The following PSG3 variants were observed in gnomAD, a reference collection of about 807,000 sequenced individuals.
The protein encoded by PSG3 is pregnancy-specific beta-1-glycoprotein 3.
Under a neutral mutation model 47.5 loss-of-function variants are expected in PSG3, and 61 were observed. The observed-to-expected ratio is 1.28, with a 90% CI of 1.05 to 1.59. PSG3 has a LOEUF of 1.59. PSG3 is among the 40% of genes most tolerant of loss of function. The pLI is 0.00. For synonymous variants in PSG3, 263 were observed against 198.4 expected, an observed-to-expected ratio of 1.33 and a Z score of -2.74; for missense variants, 756 against 524.0, an observed-to-expected ratio of 1.44 and a Z score of -4.32.
Position 42,721,871 on chromosome 19 carries a change from C to T in PSG3, c.*260G>A, listed in dbSNP as rs12268. On this transcript the variant is annotated 3_prime_UTR_variant, in exon 7 of 7. Coordinates refer to ENST00000327495, the MANE Select transcript of PSG3 (RefSeq NM_021016.4). ...GAAAACATTGTTTTGACTATTTAGT[C>T]CAATAAAATTGGGTTTTTTTCTTTG... The T allele has an allele frequency of 9.6e-6, 4 of 414,600 alleles. No individual in the cohort carries two copies. The highest frequency in any genetic ancestry group is 8.2e-5 in the African/African-American group (4 of 48,660). The allele number at this position is 414,600 out of a possible 1,614,324, so 25.7% of individuals were successfully genotyped here.
chr19:42,723,124 C>T (rs1482612704), intron 6 of PSG3, among the ~76,000 whole-genome samples: 1 of 152,222 alleles, frequency 6.6e-6, no homozygotes, highest in African/African-American at 2.4e-5. Context: ...TTGCCTTCAT[C>T]ATTTCTGTAT....
chr19:42,730,107 C>G, intron 3 of PSG3, 51 bp from the exon 4 acceptor site: 2 of 1,600,348 alleles, frequency 1.2e-6, no homozygotes, highest in Non-Finnish European at 1.7e-6. Context: ...TTTGATTCCT[C>G]CACTGGCATC....
intron 3 of PSG3, among the ~76,000 whole-genome samples, chr19:42,731,434 C>A (rs1298604711): frequency 6.6e-6 from 1 of 152,102 alleles, no homozygotes; most frequent in Non-Finnish European, 1.5e-5. Context: ...TCTCTCACCA[C>A]TTTTCTAGCT....
chr19:42,736,426 A>G (rs748128639), intron 2 of PSG3, among the ~76,000 whole-genome samples: 13 of 152,106 alleles, frequency 8.5e-5, no homozygotes, highest in East Asian at 1.9e-4. Context: ...CTCCGCCCGC[A>G]TGATTCCATC....
At chr19:42,738,648 C>T (rs1318438262) in intron 2 of PSG3, 76 bp downstream of exon 2, 2 of 1,611,108 alleles carry the variant, frequency 1.2e-6, no homozygotes, top group East Asian at 4.5e-5. Flanking sequence ...CAGGCACAAT[C>T]CAGGCCTGAC....
chr19:42,723,722 C>A (rs1455909310), intron 6 of PSG3, among the ~76,000 whole-genome samples: 4 of 152,046 alleles, frequency 2.6e-5, no homozygotes. Context: ...AACAAATGAG[C>A]AGAGAGAGAG....
intron 2 of PSG3, among the ~76,000 whole-genome samples, chr19:42,734,534 T>A (rs551694451): frequency 1.3e-5 from 2 of 152,330 alleles, no homozygotes; most frequent in Non-Finnish European, 2.9e-5. Flanking sequence ...GGAGGAAACA[T>A]TGAAATGTTT....
intron 5 of PSG3, among the ~76,000 whole-genome samples, chr19:42,724,321 C>T (rs890176780): frequency 6.6e-6 from 1 of 152,128 alleles, no homozygotes; most frequent in African/African-American, 2.4e-5. Flanking sequence ...GAACTTGCCA[C>T]CTTTGCACCT....
At position 42,728,274 on chromosome 19, in the gene PSG3, C is replaced by T. The variant is rs547244219; in HGVS notation, c.1243+849G>A. On this transcript the variant is annotated intron_variant, in intron 5 of 6. Transcript: ENST00000327495. ...CTTATATTAGATATATATAAAGTGT[C>T]CAGTAGTCTTACCCTCTCTATAATT... 5.3e-4 allele frequency among the ~76,000 whole-genome samples: 80 copies of T among 152,264 alleles called. 1 individual carries two copies. The South Asian group carries it at 0.01, about 20-fold the overall frequency.
intron 2 of PSG3, among the ~76,000 whole-genome samples, chr19:42,737,938 A>G (rs981555563): frequency 3.9e-5 from 6 of 152,224 alleles, no homozygotes; most frequent in South Asian, 2.1e-4. Context: ...TTTCACACAA[A>G]CAGCATTTAT....
intron 5 of PSG3, among the ~76,000 whole-genome samples, chr19:42,724,377 T>G (rs1441023802): frequency 6.6e-6 from 1 of 152,194 alleles, no homozygotes; most frequent in Non-Finnish European, 1.5e-5. Flanking sequence ...GTGGCAGTCA[T>G]GAATGAGACC....
At chr19:42,737,534 C>T (rs1353880258) in intron 2 of PSG3, among the ~76,000 whole-genome samples, 2 of 152,094 alleles carry the variant, frequency 1.3e-5, no homozygotes, top group African/African-American at 4.8e-5. Flanking sequence ...GAGGCCTGGA[C>T]ATGTTTTTTC....
chr19:42,725,878 A>C (rs888158579), intron 5 of PSG3, among the ~76,000 whole-genome samples: 1 of 144,446 alleles, frequency 6.9e-6, no homozygotes, highest in Non-Finnish European at 1.5e-5. Context: ...CTCTCTCTTC[A>C]ACAACAACAA....
In PSG3 at chr19:42,740,243, C is replaced by T. The variant is rs1969648222; in HGVS notation, c.64+78G>A. 7 of 1,612,248 alleles carry T rather than the reference C, an allele frequency of 4.3e-6. No individual in the cohort carries two copies. In the Admixed American group the frequency reaches 6.7e-5, roughly 15 times the overall value. ...CTGGCTTCTTTTATTTTTTAGAACC[C>T]CAGGAGTCTCTCCAGGAGACCCCAT... On this transcript the variant is annotated intron_variant, in intron 1 of 6. Coordinates refer to ENST00000327495, the MANE Select transcript of PSG3 (RefSeq NM_021016.4).
intron 2 of PSG3, chr19:42,733,641 C>G: frequency 6.4e-6 from 1 of 156,634 alleles, no homozygotes; most frequent in Non-Finnish European, 1.4e-5. Flanking sequence ...AGTGGAGCCA[C>G]AAGGTGGGGC....
intron 2 of PSG3, among the ~76,000 whole-genome samples, 157 bp from the exon 3 acceptor site, chr19:42,733,219 C>A (rs1029571041): frequency 6.6e-6 from 1 of 152,160 alleles, no homozygotes; most frequent in Non-Finnish European, 1.5e-5. Flanking sequence ...GCATGGCAAT[C>A]TGAGGGCTCA....
intron 2 of PSG3, 69 bp from the exon 3 acceptor site, chr19:42,733,131 C>A: frequency 6.4e-7 from 1 of 1,560,654 alleles, no homozygotes; most frequent in Non-Finnish European, 8.7e-7. Flanking sequence ...ATTTTTCAAT[C>A]AGAGTTGGCA....
In PSG3 at chr19:42,740,319, A is replaced by C. The variant is rs781422204; in HGVS notation, c.64+2T>G. ...TCCTCTCCCAGGAAGTTCTCTCCTC[A>C]CCTGTGAGCAGGAGCCCCTTCCAGG... On this transcript the variant is annotated splice_donor_variant, in intron 1 of 6. Coordinates refer to ENST00000327495, the MANE Select transcript of PSG3 (RefSeq NM_021016.4). LOFTEE classifies it high-confidence loss of function. The C allele has an allele frequency of 6.2e-7, 1 of 1,613,686 alleles. No individual in the cohort carries two copies. Among genetic ancestry groups the C allele is most frequent in the South Asian group, 1.1e-5 (1 of 91,042 alleles).
intron 5 of PSG3, among the ~76,000 whole-genome samples, chr19:42,726,150 C>T (rs763481666): frequency 3.9e-5 from 6 of 152,080 alleles, no homozygotes; most frequent in Admixed American, 1.3e-4. Flanking sequence ...ACCACCTCAA[C>T]GTAAAGGCAA....
Sources: allele counts gnomAD v4.1 joint callset (sites outside exome capture counted in the v4.1 genomes callset), GRCh38; gene constraint gnomAD v4.1.1; transcripts MANE v1.5; gene names NCBI Gene and HGNC (gene_info 2026-07-23, HGNC 2026-07-21).